Variants in CTNNA2 observed in about 807,000 individuals in gnomAD.
CTNNA2 encodes catenin alpha 2.
CTNNA2 carries 42 observed loss-of-function variants against 101.0 expected under a neutral mutation model. The observed-to-expected ratio is 0.42, with a 90% CI of 0.32 to 0.54. The LOEUF (loss-of-function observed/expected upper bound fraction) is 0.54. Among genes scored for constraint, CTNNA2 ranks in the 20% least tolerant of loss-of-function variants. The pLI is 0.14. For missense variants in CTNNA2, 871 were observed against 1,223.1 expected (o/e 0.71, Z 4.29); for synonymous variants, 450 against 456.4 (o/e 0.99, Z 0.18).
intron 6 of CTNNA2, among the ~76,000 whole-genome samples, chr2:79,896,036 A>C (rs1321052251): frequency 6.6e-6 from 1 of 152,044 alleles, no homozygotes; most frequent in Non-Finnish European, 1.5e-5. Context: ...TAATCCCAGC[A>C]CTTTGGGAGG....
At chr2:80,631,378 T>TTTTA (rs1185596810) in intron 18 of CTNNA2, among the ~76,000 whole-genome samples, 1 of 151,942 alleles carries the variant, frequency 6.6e-6, no homozygotes, top group Non-Finnish European at 1.5e-5. Context: ...TTTTTTTTTT[T>TTTTA]TTAGCAACAC....
intron 7 of CTNNA2, among the ~76,000 whole-genome samples, chr2:80,091,612 C>G (rs1201541176): frequency 2.6e-5 from 4 of 151,978 alleles, no homozygotes; most frequent in Non-Finnish European, 5.9e-5. Flanking sequence ...GGACAGAGTC[C>G]CGGGGACCAA....
intron 9 of CTNNA2, among the ~76,000 whole-genome samples, chr2:80,455,710 G>A (rs1344653785): frequency 6.6e-6 from 1 of 152,166 alleles, no homozygotes; most frequent in Non-Finnish European, 1.5e-5. Context: ...TGCTGTCCGT[G>A]CGACCTTTGA....
intron 7 of CTNNA2, among the ~76,000 whole-genome samples, chr2:80,231,046 A>T (rs1709181257): frequency 6.6e-6 from 1 of 151,788 alleles, no homozygotes. Flanking sequence ...ATCTCGGCTC[A>T]CTGAAACCTC....
chr2:79,224,096 A>G (rs983103358), intron 2 of CTNNA2, among the ~76,000 whole-genome samples: 1 of 152,220 alleles, frequency 6.6e-6, no homozygotes, highest in African/African-American at 2.4e-5. Context: ...TTGCACTTCT[A>G]TCAATTTCTT....
rs56921519 is a variant in CTNNA2, at chr2:80,601,421, C to CTTTTTTTTTTTTTTTTTTTTTTTTTTT, written c.2190-2638_2190-2637insTTTTTTTTTTTTTTTTTTTTTTTTTTT. 6.6e-4 allele frequency among the ~76,000 whole-genome samples: 56 copies of CTTTTTTTTTTTTTTTTTTTTTTTTTTT among 84,376 alleles called. 1 individual carries two copies. The highest frequency in any genetic ancestry group is 2.6e-3 in the African/African-American group (55 of 20,992). 55.4% of individuals were successfully genotyped at this position (84,376 alleles called of 152,430 possible). A position where few individuals can be genotyped will look rare whatever the true frequency, so the allele number is the denominator to read the frequency against. ...TAATGACTTTTTTCTTTCTTTCTTT[C>CTTTTTTTTTTTTTTTTTTTTTTTTTTT]TTTTTTTTTTTTTTTGATGAGTTCT... On this transcript the variant is annotated intron_variant, in intron 15 of 18. Transcript: ENST00000402739.
rs1430730215 is a variant in CTNNA2, at chr2:79,672,320, T to G, written c.102+20662T>G. On this transcript the variant is annotated intron_variant, in intron 2 of 18. Coordinates refer to ENST00000402739, the MANE Select transcript of CTNNA2 (RefSeq NM_001282597.3). ...TCTAGAAACAAACCAAACTAGAATT[T>G]TATAAATTACTCACTCTGATCGTTA... Among the ~76,000 whole-genome samples the G allele has an allele frequency of 1.1e-4, 16 of 152,170 alleles. 1 individual carries two copies.
intron 2 of CTNNA2, among the ~76,000 whole-genome samples, chr2:79,239,373 C>T (rs138413507): frequency 1.6e-3 from 248 of 152,200 alleles, no homozygotes; most frequent in African/African-American, 5.3e-3. Flanking sequence ...GAAAAGATTT[C>T]GTATTTAATA....
At chr2:79,641,035 A>C (rs1449971062) in intron 1 of CTNNA2, among the ~76,000 whole-genome samples, 1 of 152,214 alleles carries the variant, frequency 6.6e-6, no homozygotes, top group African/African-American at 2.4e-5. Context: ...CTTTAGGAAG[A>C]GGCATGAACC....
chr2:79,463,395 CAAAA>C (rs10546803), intron 4 of CTNNA2, among the ~76,000 whole-genome samples: 11 of 117,782 alleles, frequency 9.3e-5, no homozygotes, highest in African/African-American at 9.5e-5. Flanking sequence ...GAGACTGTCT[CAAAA>C]AAAAAAAAAA....
chr2:80,447,003 C>A (rs985305221), intron 9 of CTNNA2, among the ~76,000 whole-genome samples: 1 of 151,812 alleles, frequency 6.6e-6, no homozygotes, highest in Non-Finnish European at 1.5e-5. Flanking sequence ...AGCTTTTTTC[C>A]CCATAAATTT....
intron 3 of CTNNA2, among the ~76,000 whole-genome samples, chr2:79,781,344 C>G (rs145870026): frequency 1.3e-5 from 2 of 152,304 alleles, no homozygotes; most frequent in East Asian, 1.9e-4. Context: ...CCTGTTTTAT[C>G]AGCAAGATCT....
At chr2:79,468,932 G>T (rs949271245) in intron 4 of CTNNA2, among the ~76,000 whole-genome samples, 15 of 152,290 alleles carry the variant, frequency 9.8e-5, no homozygotes, top group African/African-American at 9.6e-5. Flanking sequence ...AAGCAGGAAA[G>T]ATCTAAAATT....
chr2:80,257,938 A>G (rs573834792), intron 7 of CTNNA2, among the ~76,000 whole-genome samples: 1 of 152,232 alleles, frequency 6.6e-6, no homozygotes, highest in African/African-American at 2.4e-5. Context: ...GAGGAATCCT[A>G]TCTGTGGTCA....
intron 7 of CTNNA2, among the ~76,000 whole-genome samples, chr2:80,179,078 A>G (rs949038404): frequency 6.6e-6 from 1 of 152,212 alleles, no homozygotes; most frequent in Non-Finnish European, 1.5e-5. Context: ...TAGGACAGAG[A>G]AGGTATATTG....
chr2:80,471,760 A>G (rs1685321115), intron 9 of CTNNA2, among the ~76,000 whole-genome samples: 1 of 152,188 alleles, frequency 6.6e-6, no homozygotes, highest in Non-Finnish European at 1.5e-5. Flanking sequence ...AGGGTGAGTA[A>G]CAGTAGAGGT....
intron 7 of CTNNA2, among the ~76,000 whole-genome samples, chr2:80,253,881 G>T (rs540797312): frequency 6.6e-6 from 1 of 152,140 alleles, no homozygotes; most frequent in Non-Finnish European, 1.5e-5. Flanking sequence ...TAGGGTTGGG[G>T]GTTGAAGTTT....
intron 4 of CTNNA2, among the ~76,000 whole-genome samples, chr2:79,481,195 A>G (rs1390793074): frequency 1.3e-5 from 2 of 152,214 alleles, no homozygotes; most frequent in Admixed American, 6.5e-5. Context: ...ATGTAATCGG[A>G]AAAACTTAGA....
chr2:80,422,433 T>C (rs1033736356), intron 9 of CTNNA2, among the ~76,000 whole-genome samples: 5 of 64,648 alleles, frequency 7.7e-5, no homozygotes, highest in Non-Finnish European at 1.1e-4. Flanking sequence ...CCAATACTTA[T>C]AGTTTGTTTT....
Sources: gnomAD v4.1 joint callset for allele counts (sites outside exome capture counted in the v4.1 genomes callset) on GRCh38, gnomAD v4.1.1 for gene constraint, MANE v1.5 for transcripts, NCBI Gene and HGNC (gene_info 2026-07-23, HGNC 2026-07-21) for gene names.